The following TFDP2 variants were observed in gnomAD, a reference collection of about 807,000 sequenced individuals.
The protein encoded by TFDP2 is transcription factor Dp-2 (E2F dimerization partner 2).
In TFDP2, 17 loss-of-function variants were observed where a neutral mutation model predicts 59.3. The observed-to-expected ratio is 0.29, with a 90% CI of 0.20 to 0.43. The LOEUF (loss-of-function observed/expected upper bound fraction) is 0.43, where lower values mean the gene tolerates loss of function less well. Ranked by LOEUF, TFDP2 falls within the 20% of genes least tolerant of loss-of-function variation. The probability of loss-of-function intolerance (pLI) is 1.00; values close to 1 mark genes in which losing one functional copy is unlikely to be tolerated. For synonymous variants in TFDP2, 180 were observed against 194.7 expected, an observed-to-expected ratio of 0.92 and a Z score of 0.63; for missense variants, 391 against 528.8, an observed-to-expected ratio of 0.74 and a Z score of 2.56.
intron 1 of TFDP2, among the ~76,000 whole-genome samples, chr3:142,102,754 G>A (rs946116792): frequency 2.0e-5 from 3 of 152,102 alleles, no homozygotes; most frequent in Admixed American, 6.6e-5. Flanking sequence ...CTCTTCAAGC[G>A]CACTGAGATG....
At chr3:142,026,756 T>C (rs763985290) in intron 3 of TFDP2, among the ~76,000 whole-genome samples, 1 of 152,242 alleles carries the variant, frequency 6.6e-6, no homozygotes, top group Admixed American at 6.5e-5. Context: ...ATTCAAAAAC[T>C]GTTTTTCAAA....
rs182969379 is a variant in TFDP2 at position 141,972,155 on chromosome 3, G to T, written c.663+1893C>A. On this transcript the variant is annotated intron_variant, in intron 8 of 12. Transcript: ENST00000489671. ...TTAAGATTCACTGTAAAATCTGTGT[G>T]GCGTTCTGCATTTGAAAAGATGTTG... is the stretch of plus-strand genomic sequence containing the variant. 1.5e-3 allele frequency among the ~76,000 whole-genome samples: 221 copies of T among 152,216 alleles called. 1 individual carries two copies. The highest frequency in any genetic ancestry group is 6.8e-3 in the Middle Eastern group (2 of 294).
At chr3:142,126,546 G>T (rs904650710) in intron 1 of TFDP2, among the ~76,000 whole-genome samples, 1 of 151,914 alleles carries the variant, frequency 6.6e-6, no homozygotes, top group African/African-American at 2.4e-5. Flanking sequence ...AAACTCCTGA[G>T]TTTATAATAA....
At chr3:142,115,864 A>G in intron 1 of TFDP2, among the ~76,000 whole-genome samples, 1 of 152,188 alleles carries the variant, frequency 6.6e-6, no homozygotes, top group Non-Finnish European at 1.5e-5. Flanking sequence ...AACATGTCAC[A>G]GAACTATACA....
intron 1 of TFDP2, among the ~76,000 whole-genome samples, chr3:142,114,758 C>T (rs1014991317): frequency 2.0e-5 from 3 of 150,826 alleles, no homozygotes; most frequent in Non-Finnish European, 3.0e-5. Context: ...TAGAAGAGCA[C>T]AAAGAAGAAA....
At chr3:142,140,363 T>C (rs4683673) in intron 1 of TFDP2, among the ~76,000 whole-genome samples, 12,654 of 152,254 alleles carry the variant, frequency 0.083, 653 homozygotes, top group Middle Eastern at 0.14. Context: ...CCTGCTTCTG[T>C]CAACTCATCA....
intron 1 of TFDP2, among the ~76,000 whole-genome samples, chr3:142,103,358 A>C (rs192402547): frequency 1.2e-4 from 19 of 152,220 alleles, no homozygotes; most frequent in Admixed American, 1.2e-3. Context: ...GAAGACCATT[A>C]TTTGGGTAAT....
At chr3:142,106,114 G>T (rs59305910) in intron 1 of TFDP2, among the ~76,000 whole-genome samples, 1,137 of 12,504 alleles carry the variant, frequency 0.091, 8 homozygotes, top group African/African-American at 0.2. Flanking sequence ...TTTAATTGTG[G>T]TTAAAAAAAA....
At chr3:141,971,374 T>TAAA (rs56219575) in intron 8 of TFDP2, among the ~76,000 whole-genome samples, 5 of 79,990 alleles carry the variant, frequency 6.3e-5, no homozygotes, top group Admixed American at 1.5e-4. Flanking sequence ...TCGTCTCTAC[T>TAAA]AAAAAAAAAA....
At chr3:141,971,359 A>C (rs1468133669) in intron 8 of TFDP2, among the ~76,000 whole-genome samples, 1 of 144,814 alleles carries the variant, frequency 6.9e-6, no homozygotes, top group Non-Finnish European at 1.5e-5. Context: ...CAATAAGGTG[A>C]AACCTCGTCT....
At chr3:142,016,291 C>T (rs549871977) in intron 3 of TFDP2, among the ~76,000 whole-genome samples, 33 of 125,754 alleles carry the variant, frequency 2.6e-4, no homozygotes, top group African/African-American at 7.0e-4. Context: ...TGAACCACCA[C>T]GCCCAGCAAC....
At chr3:142,130,711 CACA>C (rs1056739756) in intron 1 of TFDP2, among the ~76,000 whole-genome samples, 22 of 152,012 alleles carry the variant, frequency 1.4e-4, no homozygotes, top group Admixed American at 7.2e-4. Flanking sequence ...GTGATGGTTA[CACA>C]ACAATATGAA....
chr3:141,967,595 T>C lies in TFDP2; in HGVS notation c.732+2478A>G, dbSNP rs148824773. ...ATGCGTGAGCCACCACATCCGGCCT[T>C]TGGAAATAAGTTTTAAGTTTACCAG... On this transcript the variant is annotated intron_variant, in intron 9 of 12. Transcript: ENST00000489671. Among the ~76,000 whole-genome samples the C allele has an allele frequency of 1.5e-3, 221 of 152,042 alleles. 2 individuals carry two copies. Among genetic ancestry groups the C allele is most frequent in the African/African-American group, 5.1e-3 (213 of 41,502 alleles).
chr3:141,970,965 C>G (rs1052528122), intron 8 of TFDP2, among the ~76,000 whole-genome samples: 16 of 150,970 alleles, frequency 1.1e-4, no homozygotes, highest in African/African-American at 3.9e-4. Context: ...GGCTGAGACA[C>G]GAGAATTGCT....
intron 3 of TFDP2, among the ~76,000 whole-genome samples, chr3:142,061,684 C>T (rs1482148869): frequency 6.6e-6 from 1 of 152,036 alleles, no homozygotes; most frequent in Non-Finnish European, 1.5e-5. Context: ...CTTGTACCAT[C>T]AGCCCCTCTA....
intron 1 of TFDP2, among the ~76,000 whole-genome samples, chr3:142,123,671 CA>C (rs1274810768): frequency 1.3e-5 from 2 of 152,066 alleles, no homozygotes; most frequent in Non-Finnish European, 2.9e-5. Context: ...GTAATTTTGT[CA>C]AATTCCTCTC....
rs375677514 is a variant in TFDP2, at chr3:142,010,379, G to T, written c.83-4835C>A. The stretch of plus-strand genomic sequence containing the variant: ...TAATCCCAGCACTTTGGGAGGCCAA[G>T]GTGGGTGGATCACGAGGTCAAGAGT... On this transcript the variant is annotated intron_variant, in intron 3 of 12. Coordinates refer to ENST00000489671, the MANE Select transcript of TFDP2 (RefSeq NM_001178139.2). Among the ~76,000 whole-genome samples the T allele has an allele frequency of 5.3e-5, 8 of 152,300 alleles. No homozygotes were observed. In the South Asian group the frequency reaches 8.3e-4, roughly 16 times the overall value.
chr3:142,074,110 C>A (rs193027389), intron 3 of TFDP2, among the ~76,000 whole-genome samples: 3 of 152,218 alleles, frequency 2.0e-5, no homozygotes, highest in Admixed American at 1.3e-4. Context: ...GGAATAAAAT[C>A]AAGAAATCAG....
chr3:142,119,461 T>C (rs2061961490), intron 1 of TFDP2, among the ~76,000 whole-genome samples: 1 of 152,356 alleles, frequency 6.6e-6, no homozygotes, highest in South Asian at 2.1e-4. Flanking sequence ...AAAGATATTA[T>C]ATCCTGCCAA....
Sources: gnomAD v4.1 joint callset for allele counts (sites outside exome capture counted in the v4.1 genomes callset) on GRCh38, gnomAD v4.1.1 for gene constraint, MANE v1.5 for transcripts, NCBI Gene and HGNC (gene_info 2026-07-23, HGNC 2026-07-21) for gene names.